The following PDGFB variants were observed in gnomAD, a reference collection of about 807,000 sequenced individuals.
The protein encoded by PDGFB is platelet derived growth factor subunit B.
Under a neutral mutation model 29.0 loss-of-function variants are expected in PDGFB, and 6 were observed. The ratio of observed to expected loss-of-function variants is 0.21; its 90% confidence interval spans 0.11 to 0.41. The LOEUF (loss-of-function observed/expected upper bound fraction) is 0.41. Among genes scored for constraint, PDGFB ranks in the 10% least tolerant of loss-of-function variants. PDGFB has a pLI of 1.00. For missense variants in PDGFB, 299 were observed against 341.8 expected (o/e 0.87, Z 0.99); for synonymous variants, 144 against 140.8 (o/e 1.02, Z -0.16).
rs1932614323 is a variant in PDGFB, at chr22:39,243,269, T to TCTCTCTCTCTCTCTCTCTCC, written c.63+631_63+632insGGAGAGAGAGAGAGAGAGAG. On this transcript the variant is annotated intron_variant, in intron 1 of 6. Transcript: ENST00000331163. The surrounding 1 kb of genome is among the most constrained non-coding windows in gnomAD (Gnocchi z 6.4). ...CTCTCTCCGTCTCTCTCTCTCTCTC[T>TCTCTCTCTCTCTCTCTCTCC]CTCTTTCTCTCTCTCTCTCTCTCTC... Among the ~76,000 whole-genome samples, 1 of 142,726 alleles carries TCTCTCTCTCTCTCTCTCTCC rather than the reference T, an allele frequency of 7.0e-6. No individual in the cohort carries two copies. The highest frequency in any genetic ancestry group is 1.6e-5 in the Non-Finnish European group (1 of 63,952). 93.6% of individuals were successfully genotyped at this position (142,726 alleles called of 152,430 possible).
chr22:39,238,333 C>G (rs1319323889), intron 1 of PDGFB, among the ~76,000 whole-genome samples: 1 of 152,140 alleles, frequency 6.6e-6, no homozygotes, highest in Non-Finnish European at 1.5e-5. Flanking sequence ...CTTCCCCAAC[C>G]CTAGGCAAAT....
At chr22:39,240,912 C>CTT (rs1319678952) in intron 1 of PDGFB, 25 of 1,558,760 alleles carry the variant, frequency 1.6e-5, no homozygotes, top group Non-Finnish European at 2.2e-5. Flanking sequence ...CTCTCTCTCT[C>CTT]TCAGATGCGC....
Position 39,225,994 on chromosome 22 carries a change from C to G in PDGFB, c.602-147G>C, listed in dbSNP as rs1016019686. On this transcript the variant is annotated intron_variant, in intron 5 of 6. Coordinates refer to ENST00000331163, the MANE Select transcript of PDGFB (RefSeq NM_002608.4). ...AGGGTCCTGGGTTTGGATCCCAACT[C>G]CACTGCTCACCAGCTGTATGTGCCT... The G allele has an allele frequency of 1.4e-4, 114 of 801,736 alleles. No individual in the cohort carries two copies. In the African/African-American group the frequency reaches 1.9e-3, roughly 13 times the overall value. 49.7% of individuals were successfully genotyped at this position (801,736 alleles called of 1,614,324 possible).
At chr22:39,230,792 G>A (rs1932283817) in intron 4 of PDGFB, among the ~76,000 whole-genome samples, 2 of 152,262 alleles carry the variant, frequency 1.3e-5, no homozygotes, top group South Asian at 4.1e-4. Flanking sequence ...GGTGGCAGGA[G>A]AAGGAAGTGC....
chr22:39,229,991 G>C, intron 5 of PDGFB, 93 bp downstream of exon 5: 1 of 1,394,646 alleles, frequency 7.2e-7, no homozygotes, highest in South Asian at 1.3e-5. Flanking sequence ...AACCGGGGGC[G>C]GGCCTGATCC....
At chr22:39,228,116 C>T (rs929165805) in intron 5 of PDGFB, among the ~76,000 whole-genome samples, 2 of 152,176 alleles carry the variant, frequency 1.3e-5, no homozygotes, top group South Asian at 4.1e-4. Flanking sequence ...CAGAGAGCCA[C>T]ACTACCAAGC....
Position 39,243,273 on chromosome 22 carries a change from T to TCC in PDGFB, c.63+627_63+628insGG, listed in dbSNP as rs1491557127. Among the ~76,000 whole-genome samples, 4 of 139,724 alleles carry TCC rather than the reference T, an allele frequency of 2.9e-5. No homozygotes were observed. The highest frequency in any genetic ancestry group is 7.7e-5 in the African/African-American group (3 of 38,796). The allele number at this position is 139,724 out of a possible 152,430, so 91.7% of individuals were successfully genotyped here. ...CTCCGTCTCTCTCTCTCTCTCTCTC[T>TCC]TTCTCTCTCTCTCTCTCTCTCTCCC... On this transcript the variant is annotated intron_variant, in intron 1 of 6. Coordinates refer to ENST00000331163, the MANE Select transcript of PDGFB (RefSeq NM_002608.4). The surrounding 1 kb of genome is among the most constrained non-coding windows in gnomAD (Gnocchi z 6.4).
In PDGFB at chr22:39,244,375, CT is replaced by C. The variant is rs1183692158; in HGVS notation, c.-413del. ...ACTCGCCGGCTACAGGCGTTTTCCTCTGCCCGCCGGCTTAGCTTTTTTGCAA... is the reference window on the plus strand; with the variant it reads ...ACTCGCCGGCTACAGGCGTTTTCCTCGCCCGCCGGCTTAGCTTTTTTGCAA... On this transcript the variant is annotated 5_prime_UTR_variant, in exon 1 of 7. Transcript: ENST00000331163. This position sits in a 1 kb window ranked among gnomAD's most constrained non-coding sequence, Gnocchi z 4.5. 5.2e-6 allele frequency: 1 copy of C among 193,386 alleles called. No homozygotes were observed. Among genetic ancestry groups the C allele is most frequent in the African/African-American group, 2.3e-5 (1 of 42,950 alleles). 12.0% of individuals were successfully genotyped at this position (193,386 alleles called of 1,614,324 possible).
intron 3 of PDGFB, 119 bp downstream of exon 3, chr22:39,233,316 G>T (rs556013084): frequency 9.1e-6 from 6 of 661,512 alleles, no homozygotes; most frequent in South Asian, 3.7e-5. Context: ...TCCTGAATGT[G>T]GGGGGAACGG....
chr22:39,244,557 G>C lies in PDGFB; in HGVS notation c.-594C>G, dbSNP rs1012179889. ...CAAACTCCCGCCCGGGCCGGGTAGG[G>C]GGGCGGGAGCGTGTGCGCCCTGGCG... On this transcript the variant is annotated 5_prime_UTR_variant, in exon 1 of 7. Transcript: ENST00000331163. This position sits in a 1 kb window ranked among gnomAD's most constrained non-coding sequence, Gnocchi z 4.5. 3.8e-5 allele frequency: 6 copies of C among 159,690 alleles called. No individual in the cohort carries two copies. The highest frequency in any genetic ancestry group is 1.4e-4 in the African/African-American group (6 of 41,458). The allele number at this position is 159,690 out of a possible 1,614,324, so 9.9% of individuals were successfully genotyped here. A position where few individuals can be genotyped will look rare whatever the true frequency, so the allele number is the denominator to read the frequency against.
At chr22:39,228,893 A>AAAAATATATATATAT (rs1184799325) in intron 5 of PDGFB, among the ~76,000 whole-genome samples, 2 of 132,520 alleles carry the variant, frequency 1.5e-5, no homozygotes, top group Non-Finnish European at 3.3e-5. Flanking sequence ...CCTCAAAAAA[A>AAAAATATATATATAT]ATATATATAT....
At position 39,243,189 on chromosome 22, in the gene PDGFB, G is replaced by A. The variant is rs1361206707; in HGVS notation, c.63+712C>T. Among the ~76,000 whole-genome samples the A allele has an allele frequency of 6.6e-6, 1 of 152,002 alleles. No homozygotes were observed. Among genetic ancestry groups the A allele is most frequent in the Admixed American group, 6.6e-5 (1 of 15,262 alleles). On this transcript the variant is annotated intron_variant, in intron 1 of 6. Transcript: ENST00000331163. This position sits in a 1 kb window ranked among gnomAD's most constrained non-coding sequence, Gnocchi z 6.4. ...AGAGCCCCTAGTCCTCCCCCTACCC[G>A]AGTGCCCGAAACCTACCTGCGTCTC...
At chr22:39,228,665 G>A (rs906678311) in intron 5 of PDGFB, among the ~76,000 whole-genome samples, 1 of 152,136 alleles carries the variant, frequency 6.6e-6, no homozygotes, top group Non-Finnish European at 1.5e-5. Context: ...GAGGCAGGTG[G>A]ATCACTTGAG....
intron 5 of PDGFB, among the ~76,000 whole-genome samples, chr22:39,226,320 G>T (rs1265204566): frequency 1.3e-5 from 2 of 152,170 alleles, no homozygotes; most frequent in African/African-American, 2.4e-5. Context: ...TCTTAAGAAG[G>T]GCTGGCAGTT....
rs1246937149 is a variant in PDGFB, at chr22:39,243,905, G to T, written c.59C>A (p.Ala20Asp). Residue 20 changes from alanine to aspartate, a missense_variant, in exon 1 of 7, where the codon GCC becomes GAC. Ala to Asp is a moderately radical substitution (Grantham distance 126, BLOSUM62 -2). Transcript: ENST00000331163. The surrounding 1 kb of genome is among the most constrained non-coding windows in gnomAD (Gnocchi z 6.4). The part of the protein sequence containing the change: ...SLCCYLRLVS[A>D]EGDPIPEELY... ...CCAGCCGCCGTGGCAACTCACCTCG[G>T]CGCTGACCAGACGCAGGTAGCAGCA... 2.5e-6 allele frequency: 4 copies of T among 1,606,368 alleles called. No homozygotes were observed. The highest frequency in any genetic ancestry group is 1.7e-4 in the Middle Eastern group (1 of 6,060).
intron 1 of PDGFB, among the ~76,000 whole-genome samples, chr22:39,236,963 T>A (rs1025643327): frequency 1.1e-4 from 16 of 152,236 alleles, no homozygotes; most frequent in African/African-American, 3.6e-4. Flanking sequence ...AACCTTGGGT[T>A]AAACTATTTT....
chr22:39,225,489 C>T (rs1376911287), intron 6 of PDGFB, among the ~76,000 whole-genome samples, 176 bp from the exon 7 acceptor site: 1 of 152,006 alleles, frequency 6.6e-6, no homozygotes, highest in African/African-American at 2.4e-5. Context: ...TTAGACCTCC[C>T]ATCCTCTTAG....
At chr22:39,230,731 G>A (rs754042001) in intron 4 of PDGFB, among the ~76,000 whole-genome samples, 5 of 152,260 alleles carry the variant, frequency 3.3e-5, no homozygotes, top group Non-Finnish European at 4.4e-5. Flanking sequence ...AGTCTCAGGC[G>A]TGGGGCCCAA....
At chr22:39,240,893 AGTCT>A in intron 1 of PDGFB, 1 of 1,583,036 alleles carries the variant, frequency 6.3e-7, no homozygotes. Context: ...CTGCTCAGTC[AGTCT>A]CTCTCTCTCT....
Sources: gnomAD v4.1 joint callset for allele counts (sites outside exome capture counted in the v4.1 genomes callset) on GRCh38, gnomAD v4.1.1 for gene constraint, Gnocchi (gnomAD v3.1) non-coding constraint, MANE v1.5 for transcripts, NCBI Gene and HGNC (gene_info 2026-07-23, HGNC 2026-07-21) for gene names.